The following SGCD variants were observed in gnomAD, a reference collection of about 807,000 sequenced individuals.
The protein encoded by SGCD is delta-sarcoglycan.
Under a neutral mutation model 36.6 loss-of-function variants are expected in SGCD, and 18 were observed. The ratio of observed to expected loss-of-function variants is 0.49; its 90% CI spans 0.34 to 0.73. SGCD has a LOEUF of 0.73. Ranked by LOEUF, SGCD falls within the 30% of genes least tolerant of loss-of-function variation. SGCD has a pLI of 0.01. For synonymous variants in SGCD, 133 were observed against 130.6 expected (o/e 1.02, Z -0.12); for missense variants, 387 against 346.7 (o/e 1.12, Z -0.92).
chr5:156,339,018 G>A (rs1157799879), intron 2 of SGCD, among the ~76,000 whole-genome samples: 1 of 152,168 alleles, frequency 6.6e-6, no homozygotes, highest in Admixed American at 6.6e-5. Context: ...ACATTTGAAT[G>A]CCTGAGACCA....
At chr5:155,922,885 T>C (rs1213693855) in intron 1 of SGCD, among the ~76,000 whole-genome samples, 1 of 152,210 alleles carries the variant, frequency 6.6e-6, no homozygotes, top group African/African-American at 2.4e-5. Flanking sequence ...GCCCAATCAA[T>C]GCCCACTGAA....
intron 3 of SGCD, among the ~76,000 whole-genome samples, chr5:156,404,630 A>G (rs1397198458): frequency 6.6e-6 from 1 of 152,198 alleles, no homozygotes; most frequent in African/African-American, 2.4e-5. Context: ...TTCTGTCTCA[A>G]AACACTTTAT....
chr5:156,588,930 G>C (rs1760603388), intron 4 of SGCD, among the ~76,000 whole-genome samples: 1 of 151,500 alleles, frequency 6.6e-6, no homozygotes, highest in Non-Finnish European at 1.5e-5. Flanking sequence ...TGGGCTTTGT[G>C]TCTTAATTTT....
chr5:155,763,494 G>A, the SGCD span, among the ~76,000 whole-genome samples: 1 of 152,064 alleles, frequency 6.6e-6, no homozygotes, highest in Admixed American at 6.5e-5. Context: ...CAACAAGATG[G>A]GCATTCCTCT....
chr5:156,154,872 C>A (rs1421735114), intron 3 of SGCD, among the ~76,000 whole-genome samples: 1 of 151,578 alleles, frequency 6.6e-6, no homozygotes, highest in Non-Finnish European at 1.5e-5. Flanking sequence ...CACTGCCCTG[C>A]AACATGCTGC....
At chr5:155,868,090 C>T (rs1478567644), upstream of SGCD, among the ~76,000 whole-genome samples, 1 of 151,590 alleles carries the variant, frequency 6.6e-6, no homozygotes, top group African/African-American at 2.4e-5. Flanking sequence ...CTTGCTCTGT[C>T]GCCCAGGCTG....
chr5:156,427,416 C>T (rs546927393), intron 3 of SGCD, among the ~76,000 whole-genome samples: 2 of 152,060 alleles, frequency 1.3e-5, no homozygotes, highest in Non-Finnish European at 2.9e-5. Flanking sequence ...CTGAATTCAT[C>T]TATCAGATCT....
intron 3 of SGCD, among the ~76,000 whole-genome samples, chr5:156,385,187 C>A (rs1215804994): frequency 6.6e-6 from 1 of 152,170 alleles, no homozygotes; most frequent in African/African-American, 2.4e-5. Context: ...GACTAGTAAC[C>A]AGTCCTATGC....
chr5:156,576,703 G>A (rs1331609429), intron 4 of SGCD, among the ~76,000 whole-genome samples: 1 of 152,046 alleles, frequency 6.6e-6, no homozygotes, highest in Admixed American at 6.6e-5. Context: ...TCATGTGTCT[G>A]TTGGCTGCAT....
At chr5:156,026,207 G>A (rs1411748639) in intron 1 of SGCD, among the ~76,000 whole-genome samples, 1 of 152,144 alleles carries the variant, frequency 6.6e-6, no homozygotes, top group Non-Finnish European at 1.5e-5. Flanking sequence ...ACAAATATCA[G>A]GCAACATATT....
chr5:156,509,344 G>C (rs1218454592), intron 4 of SGCD, among the ~76,000 whole-genome samples: 1 of 152,132 alleles, frequency 6.6e-6, no homozygotes, highest in African/African-American at 2.4e-5. Context: ...AGAATTGCTT[G>C]AACCCAGGAG....
chr5:155,758,013 C>T, the SGCD span, among the ~76,000 whole-genome samples: 1 of 152,094 alleles, frequency 6.6e-6, no homozygotes. Context: ...TATTGTGAGG[C>T]TTCTCCAGCT....
In SGCD at chr5:156,051,351, A is replaced by G. The variant is rs143889306; in HGVS notation, c.-281-66527A>G. Among the ~76,000 whole-genome samples, 877 of 146,276 alleles carry G rather than the reference A, an allele frequency of 6.0e-3. 64 individuals carry two copies. Among genetic ancestry groups the G allele is most frequent in the African/African-American group, 0.021 (842 of 40,740 alleles). Reference sequence around the variant, plus strand: ...CTTCCATGAATTACTTAAGATTCATAAGTACCCTGGTTAATAGTCCAGTGA... The same window carrying G: ...CTTCCATGAATTACTTAAGATTCATGAGTACCCTGGTTAATAGTCCAGTGA... On this transcript the variant is annotated intron_variant, in intron 1 of 9. Coordinates refer to the SGCD transcript ENST00000517913.
rs569664886 is a variant in SGCD, at chr5:156,163,742, C to T, written c.-44+39723C>T. Among the ~76,000 whole-genome samples, 81 of 151,424 alleles carry T rather than the reference C, an allele frequency of 5.3e-4. 1 individual carries two copies. The highest frequency in any genetic ancestry group is 9.9e-4 in the Non-Finnish European group (67 of 67,976). On this transcript the variant is annotated intron_variant, in intron 3 of 9. Transcript: ENST00000517913. ...ATTATCAAAAGAAATCATTTTCGGC[C>T]GGGCGCGGTGGCTCACGCCTGTAAT...
chr5:156,152,530 T>G (rs1762856360), intron 3 of SGCD, among the ~76,000 whole-genome samples: 1 of 151,702 alleles, frequency 6.6e-6, no homozygotes, highest in African/African-American at 2.4e-5. Flanking sequence ...TTTTCAAGAC[T>G]TAGTATAAAA....
At chr5:156,093,406 T>A (rs1484989630) in intron 1 of SGCD, among the ~76,000 whole-genome samples, 1 of 152,228 alleles carries the variant, frequency 6.6e-6, no homozygotes, top group African/African-American at 2.4e-5. Flanking sequence ...CTCTACCGAA[T>A]GAAAGTCATG....
chr5:156,634,051 A>G (rs1177623568), intron 6 of SGCD, among the ~76,000 whole-genome samples: 1 of 152,078 alleles, frequency 6.6e-6, no homozygotes, highest in Non-Finnish European at 1.5e-5. Context: ...AAATTTTTCT[A>G]AGTGTTCTGA....
At chr5:156,093,915 T>G (rs1336206683) in intron 1 of SGCD, among the ~76,000 whole-genome samples, 2 of 152,250 alleles carry the variant, frequency 1.3e-5, no homozygotes, top group African/African-American at 4.8e-5. Flanking sequence ...AAATGGGTTG[T>G]AAGCCCAATA....
intron 3 of SGCD, among the ~76,000 whole-genome samples, chr5:156,164,973 T>TTTC (rs1404868564): frequency 6.6e-6 from 1 of 152,226 alleles, no homozygotes; most frequent in African/African-American, 2.4e-5. Flanking sequence ...ATGTTTTCTA[T>TTTC]TTCTTAGAGT....
Sources: allele counts gnomAD v4.1 joint callset (sites outside exome capture counted in the v4.1 genomes callset), GRCh38; gene constraint gnomAD v4.1.1; transcripts MANE v1.5; gene names NCBI Gene and HGNC (gene_info 2026-07-23, HGNC 2026-07-21).